Variants in CHRNB1 observed in about 807,000 individuals in gnomAD.
The protein encoded by CHRNB1 is acetylcholine receptor subunit beta.
CHRNB1 carries 47 observed loss-of-function variants against 53.8 expected under a neutral mutation model. The observed-to-expected ratio is 0.87, with a 90% CI of 0.69 to 1.11. The LOEUF is 1.11. CHRNB1 is among the 50% of genes most tolerant of loss of function. The pLI is 0.00. For missense variants in CHRNB1, 605 were observed against 654.9 expected, an observed-to-expected ratio of 0.92 and a Z score of 0.83; for synonymous variants, 259 against 263.5, an observed-to-expected ratio of 0.98 and a Z score of 0.16.
Position 7,448,713 on chromosome 17 carries a change from C to T in CHRNB1, c.745C>T (p.Leu249=). The T allele has an allele frequency of 6.2e-7, 1 of 1,614,252 alleles. No individual in the cohort carries two copies. The highest frequency in any genetic ancestry group is 2.2e-5 in the East Asian group (1 of 44,890). ...LIIRRKPLFY[L]VNVIAPCILI... is the part of the protein sequence containing the mutation. ...CATCCGCCGCAAGCCTCTCTTCTAC[C>T]TGGTCAACGTCATTGCCCCATGCAT... The change falls in exon 7 of 11, where the codon CTG becomes TTG. Residue 249 remains leucine, a synonymous_variant. Transcript: ENST00000306071.
intron 8 of CHRNB1, 64 bp from the exon 9 acceptor site, chr17:7,455,220 G>T: frequency 6.3e-7 from 1 of 1,591,086 alleles, no homozygotes; most frequent in Non-Finnish European, 8.6e-7. Flanking sequence ...TGGGGTGGTT[G>T]GCTGTTTCCC....
chr17:7,451,481 A>G (rs1908887259), intron 7 of CHRNB1, among the ~76,000 whole-genome samples: 1 of 151,876 alleles, frequency 6.6e-6, no homozygotes, highest in Non-Finnish European at 1.5e-5. Flanking sequence ...GGATTTCTCC[A>G]TGTTGGCCAG....
chr17:7,452,936 A>T (rs113370026), intron 7 of CHRNB1, among the ~76,000 whole-genome samples: 35 of 152,316 alleles, frequency 2.3e-4, no homozygotes, highest in African/African-American at 7.9e-4. Flanking sequence ...AGACAGGAGA[A>T]CTGCTTGAAC....
At chr17:7,446,575 C>A in intron 3 of CHRNB1, 1 of 564,074 alleles carries the variant, frequency 1.8e-6, no homozygotes. Context: ...AGTTTGAAAA[C>A]CGTTTTAGAG....
At chr17:7,455,699 G>A in intron 9 of CHRNB1, 95 bp from the exon 10 acceptor site, 2 of 1,543,804 alleles carry the variant, frequency 1.3e-6, no homozygotes, top group South Asian at 1.1e-5. Flanking sequence ...CGGGTTTTGA[G>A]AACTGGCAAG....
chr17:7,446,329 G>GTGTGTGTGTGTC (rs1908620209), intron 3 of CHRNB1: 5 of 185,968 alleles, frequency 2.7e-5, no homozygotes, highest in South Asian at 1.4e-4. Context: ...GTGTGTGTCT[G>GTGTGTGTGTGTC]TGTGTGTGTG....
chr17:7,447,281 G>A, intron 5 of CHRNB1, 130 bp downstream of exon 5: 3 of 939,790 alleles, frequency 3.2e-6, no homozygotes, highest in Admixed American at 2.0e-5. Flanking sequence ...CCCTCACCTC[G>A]TCTACCCTCC....
At chr17:7,455,094 C>T (rs984314669) in intron 8 of CHRNB1, among the ~76,000 whole-genome samples, 190 bp from the exon 9 acceptor site, 5 of 151,916 alleles carry the variant, frequency 3.3e-5, no homozygotes, top group African/African-American at 1.2e-4. Context: ...TGAGCCACCG[C>T]GACAGGCCCA....
intron 5 of CHRNB1, 29 bp from the exon 6 acceptor site, chr17:7,447,474 C>T: frequency 6.2e-7 from 1 of 1,613,968 alleles, no homozygotes; most frequent in Non-Finnish European, 8.5e-7. Flanking sequence ...GGTTCTCTGG[C>T]AGCTCTAGTG....
chr17:7,456,007 A>G (rs1597755527), intron 10 of CHRNB1, 66 bp downstream of exon 10: 2 of 1,401,256 alleles, frequency 1.4e-6, no homozygotes, highest in Admixed American at 3.7e-5. Flanking sequence ...CAAATTCCGC[A>G]CCAGCACTCG....
chr17:7,456,793 TC>T lies in CHRNB1; in HGVS notation c.*72del. Reference sequence around the variant, plus strand: ...AGTTTGGTGATACTGTCAAGCCCTATCCTTCTCTGCCTCTTAACTCCTTCAC... The same window carrying T: ...AGTTTGGTGATACTGTCAAGCCCTATCTTCTCTGCCTCTTAACTCCTTCAC... On this transcript the variant is annotated 3_prime_UTR_variant, in exon 11 of 11. Transcript: ENST00000306071. 6.3e-7 allele frequency: 1 copy of T among 1,593,402 alleles called. No individual in the cohort carries two copies. Among genetic ancestry groups the T allele is most frequent in the Non-Finnish European group, 8.6e-7 (1 of 1,162,786 alleles).
Position 7,445,652 on chromosome 17 carries a change from T to G in CHRNB1, c.198+243T>G. 1 of 1,355,976 alleles carries G rather than the reference T, an allele frequency of 7.4e-7. No individual in the cohort carries two copies. The highest frequency in any genetic ancestry group is 9.6e-7 in the Non-Finnish European group (1 of 1,037,492). The allele number at this position is 1,355,976 out of a possible 1,614,324, so 84.0% of individuals were successfully genotyped here. A position where few individuals can be genotyped will look rare whatever the true frequency, so the allele number is the denominator to read the frequency against. ...ACGGACCTGTGATCGGACCTTAAAG[T>G]GGGGCTGGGGACGAGGCAGGGGCTG... On this transcript the variant is annotated intron_variant, in intron 2 of 10. Coordinates refer to ENST00000306071, the MANE Select transcript of CHRNB1 (RefSeq NM_000747.3). This position sits in a 1 kb window ranked among gnomAD's most constrained non-coding sequence, Gnocchi z 5.7.
At position 7,445,448 on chromosome 17, in the gene CHRNB1, C is replaced by T. The variant is rs1908566419; in HGVS notation, c.198+39C>T. The T allele has an allele frequency of 6.3e-7, 1 of 1,598,596 alleles. No homozygotes were observed. On this transcript the variant is annotated intron_variant, in intron 2 of 10. Transcript: ENST00000306071. This position sits in a 1 kb window ranked among gnomAD's most constrained non-coding sequence, Gnocchi z 5.7. ...GGGGGTGGAGGTCAGGCCAGCCGAC[C>T]GGCCGGGGGCGTGGCTTTAGGCAAG...
chr17:7,456,776 G>A lies in CHRNB1; in HGVS notation c.*53G>A. The A allele has an allele frequency of 6.2e-7, 1 of 1,609,682 alleles. No homozygotes were observed. On this transcript the variant is annotated 3_prime_UTR_variant, in exon 11 of 11. Transcript: ENST00000306071. ...CTGCCAGTTGAAGTGAGAGTTTGGTGATACTGTCAAGCCCTATCCTTCTCT... is the reference window on the plus strand; with the variant it reads ...CTGCCAGTTGAAGTGAGAGTTTGGTAATACTGTCAAGCCCTATCCTTCTCT...
Position 7,455,376 on chromosome 17 carries a change from A to C in CHRNB1, c.1137A>C (p.Pro379=), listed in dbSNP as rs1597754960. ...LMPEPPHCSS[P]GSGWGRGTDE... is the part of the protein sequence containing the mutation. ...CGGAGCCCCCTCACTGTTCTTCTCC[A>C]GGAAGTGGCTGGGGTCGGGGAACAG... Residue 379 remains proline, a synonymous_variant, in exon 9 of 11, where the codon CCA becomes CCC. Transcript: ENST00000306071. The C allele has an allele frequency of 1.2e-6, 2 of 1,614,174 alleles. No individual in the cohort carries two copies. Among genetic ancestry groups the C allele is most frequent in the Non-Finnish European group, 1.7e-6 (2 of 1,180,034 alleles).
chr17:7,454,482 T>TC lies in CHRNB1; in HGVS notation c.1007dup (p.Pro337ThrfsTer53). The TC allele has an allele frequency of 6.2e-7, 1 of 1,614,088 alleles. No individual in the cohort carries two copies. The highest frequency in any genetic ancestry group is 1.3e-5 in the African/African-American group (1 of 75,010). On this transcript the variant is annotated frameshift_variant, in exon 8 of 11. Coordinates refer to ENST00000306071, the MANE Select transcript of CHRNB1 (RefSeq NM_000747.3). LOFTEE classifies it high-confidence loss of function. ...CGTGGTTCTCAACCTGCACCACCGC[T>TC]CACCCCACACCCACCAAATGCCCCT...
rs1414989155 is a variant in CHRNB1, at chr17:7,447,591, G to A, written c.551G>A (p.Gly184Asp). ...YDSSEVSLQT[G>D]LGPDGQGHQE... is the part of the protein sequence containing the mutation. ...AGCTCGGAGGTCAGCCTGCAGACAG[G>A]CCTGGGTCCTGACGGGCAAGGGCAT... The change falls in exon 6 of 11, where the codon GGC (glycine) becomes GAC (aspartate). Residue 184 changes from glycine (G) to aspartate (D), a missense_variant. Transcript: ENST00000306071. The A allele has an allele frequency of 6.2e-7, 1 of 1,614,210 alleles. No individual in the cohort carries two copies. Among genetic ancestry groups the A allele is most frequent in the South Asian group, 1.1e-5 (1 of 91,084 alleles).
chr17:7,456,089 C>G (rs2069948366), intron 10 of CHRNB1, 148 bp downstream of exon 10: 1 of 700,436 alleles, frequency 1.4e-6, no homozygotes, highest in Non-Finnish European at 2.2e-6. Context: ...GAGTCTCGCT[C>G]TGTCGCCCAG....
intron 7 of CHRNB1, among the ~76,000 whole-genome samples, chr17:7,453,538 A>G (rs1323726757): frequency 6.6e-6 from 1 of 151,100 alleles, no homozygotes; most frequent in Non-Finnish European, 1.5e-5. Context: ...GGACATACAA[A>G]TGTAGGAATG....
Sources: allele counts gnomAD v4.1 joint callset (sites outside exome capture counted in the v4.1 genomes callset), GRCh38; gene constraint gnomAD v4.1.1; non-coding constraint Gnocchi (gnomAD v3.1); transcripts MANE v1.5; gene names NCBI Gene and HGNC (gene_info 2026-07-23, HGNC 2026-07-21).